ECEL1: variants seen among roughly 807,000 people sequenced by gnomAD.
ECEL1 encodes endothelin converting enzyme like 1, also known as endothelin-converting enzyme-like 1.
A neutral mutation model predicts 101.8 loss-of-function variants in ECEL1; 87 were observed. The observed-to-expected ratio is 0.85, with a 90% confidence interval of 0.72 to 1.02. The LOEUF (loss-of-function observed/expected upper bound fraction) is 1.02, where lower values mean the gene tolerates loss of function less well. ECEL1 is among the 50% of genes least tolerant of loss of function. The pLI, the probability that ECEL1 is intolerant of heterozygous loss-of-function variation, is 0.00. For missense variants in ECEL1, 1,032 were observed against 1,079.2 expected (o/e 0.96, Z 0.61); for synonymous variants, 487 against 468.7 (o/e 1.04, Z -0.50).
At chr2:232,481,674 C>T in intron 13 of ECEL1, 44 bp from the exon 14 acceptor site, 1 of 1,589,316 alleles carries the variant, frequency 6.3e-7, no homozygotes, top group South Asian at 1.1e-5. Flanking sequence ...CACCTGAGCC[C>T]CCTCCCCTCC....
chr2:232,484,887 C>T lies in ECEL1; in HGVS notation c.973G>A (p.Val325Met), dbSNP rs1305325896. Residue 325 changes from valine (V) to methionine (M), a missense_variant, in exon 5 of 18, where the codon GTG (valine) becomes ATG (methionine). Physicochemically the swap from Val to Met is conservative, Grantham distance 21. Transcript: ENST00000304546. ...QVEQQLANIT[V>M]SEHDDLRRDV... ...CGCCGTAGGTCGTCATGCTCTGACA[C>T]AGTGATCTGTGGGGAGAGATCACAG... 1 of 1,613,574 alleles carries T rather than the reference C, an allele frequency of 6.2e-7. No individual in the cohort carries two copies. The highest frequency in any genetic ancestry group is 8.5e-7 in the Non-Finnish European group (1 of 1,179,938).
intron 6 of ECEL1, 59 bp from the exon 7 acceptor site, chr2:232,484,282 G>A: frequency 2.5e-6 from 4 of 1,581,918 alleles, no homozygotes; most frequent in South Asian, 1.1e-5. Flanking sequence ...GCCACCAAGG[G>A]CACCACCCCT....
At chr2:232,484,321 C>T (rs1690663971) in intron 6 of ECEL1, 98 bp from the exon 7 acceptor site, 2 of 1,561,558 alleles carry the variant, frequency 1.3e-6, no homozygotes, top group East Asian at 4.5e-5. Flanking sequence ...GTGGCTGGAC[C>T]CAGGACCCAG....
chr2:232,484,831 C>T lies in ECEL1; in HGVS notation c.1029G>A (p.Thr343=), dbSNP rs144709114. The stretch of plus-strand genomic sequence containing the variant: ...GGGTGATCTTCTGCAGCTGCCCCAG[C>T]GTCACCTTGTTGTACATGGAGCTGA... ...RDVSSMYNKV[T]LGQLQKITPH... The change falls in exon 5 of 18, where the codon ACG becomes ACA. Residue 343 remains threonine, a synonymous_variant. Coordinates refer to ENST00000304546, the MANE Select transcript of ECEL1 (RefSeq NM_004826.4). The T allele has an allele frequency of 2.0e-4, 328 of 1,613,912 alleles. No individual in the cohort carries two copies. Among genetic ancestry groups the T allele is most frequent in the Non-Finnish European group, 2.5e-4 (295 of 1,180,032 alleles).
Position 232,484,801 on chromosome 2 carries a change from G to A in ECEL1, c.1059C>T (p.His353=), listed in dbSNP as rs141826924. The A allele has an allele frequency of 1.1e-5, 18 of 1,613,852 alleles. No homozygotes were observed. The highest frequency in any genetic ancestry group is 1.6e-4 in the Middle Eastern group (1 of 6,062). Residue 353 remains histidine (H), a splice_region_variant and synonymous_variant, in exon 5 of 18, where the codon CAC becomes CAT. Coordinates refer to ENST00000304546, the MANE Select transcript of ECEL1 (RefSeq NM_004826.4). ...CCCACGAGGACTGGGCCACACTCAC[G>A]TGGGGGGTGATCTTCTGCAGCTGCC... is the stretch of plus-strand genomic sequence containing the variant. ...TLGQLQKITP[H]LRWKWLLDQI...
rs535914617 is a variant in ECEL1 at position 232,479,872 on chromosome 2, C to G, written c.*281G>C. 3 of 490,830 alleles carry G rather than the reference C, an allele frequency of 6.1e-6. No homozygotes were observed. The Admixed American group carries it at 1.0e-4, about 17-fold the overall frequency. The allele number at this position is 490,830 out of a possible 1,614,324, so 30.4% of individuals were successfully genotyped here. On this transcript the variant is annotated 3_prime_UTR_variant, in exon 18 of 18. Transcript: ENST00000304546. ...ACCAGACTTTGCAGCAAGAACACAG[C>G]GAAGGTGGGGCCCGTACAATCCAGC...
At position 232,486,029 on chromosome 2, in the gene ECEL1, C is replaced by CTG; in HGVS notation, c.624_625insCA (p.Gly209GlnfsTer135). The CTG allele has an allele frequency of 6.2e-7, 1 of 1,608,968 alleles. No individual in the cohort carries two copies. Among genetic ancestry groups the CTG allele is most frequent in the Non-Finnish European group, 8.5e-7 (1 of 1,178,648 alleles). On this transcript the variant is annotated frameshift_variant, in exon 2 of 18. Transcript: ENST00000304546. LOFTEE classifies it high-confidence loss of function. ...TCCGCGCCGCCCAGGTCCCAGCCCC[C>CTG]GCAGTCCTCGATGACCTCTAGCATG... is the stretch of plus-strand genomic sequence containing the variant.
In ECEL1 at chr2:232,483,129, G is replaced by A. The variant is rs750498508; in HGVS notation, c.1557C>T (p.Pro519=). 10 of 1,609,180 alleles carry A rather than the reference G, an allele frequency of 6.2e-6. No individual in the cohort carries two copies. In the East Asian group the frequency reaches 9.0e-5, roughly 14 times the overall value. The change falls in exon 9 of 18, where the codon CCC becomes CCT. Residue 519 remains proline, a synonymous_variant. Coordinates refer to ENST00000304546, the MANE Select transcript of ECEL1 (RefSeq NM_004826.4). ...CCTCATACTCCTTGTCCACAGCATC[G>A]GGTTTCAGCAGGAAGTCCGGGTAGC... ...MVGYPDFLLK[P]DAVDKEYEFE...
At chr2:232,483,242 C>A in intron 8 of ECEL1, 63 bp from the exon 9 acceptor site, 1 of 1,548,268 alleles carries the variant, frequency 6.5e-7, no homozygotes, top group Non-Finnish European at 8.8e-7. Flanking sequence ...CGCCCCCCAC[C>A]CTACCCACCA....
rs1203952706 is a variant in ECEL1, at chr2:232,486,503, C to T, written c.151G>A (p.Gly51Arg). ...AARSATGARS[G>R]LPRWNRREVC... The stretch of plus-strand genomic sequence containing the variant: ...TCGCGCCGGTTCCAGCGCGGCAGCC[C>T]GGACCGGGCCCCGGTGGCGCTGCGC... Residue 51 changes from glycine (G) to arginine (R), a missense_variant, in exon 2 of 18, where the codon GGG becomes AGG. Physicochemically the swap from Gly to Arg is moderately radical, Grantham distance 125. Transcript: ENST00000304546. The T allele has an allele frequency of 2.9e-6, 4 of 1,375,762 alleles. No homozygotes were observed. The highest frequency in any genetic ancestry group is 1.5e-5 in the African/African-American group (1 of 65,188). The allele number at this position is 1,375,762 out of a possible 1,614,324, so 85.2% of individuals were successfully genotyped here.
At chr2:232,481,397 TG>T (rs1690574334) in intron 14 of ECEL1, 108 bp downstream of exon 14, 1 of 1,502,758 alleles carries the variant, frequency 6.7e-7, no homozygotes, top group African/African-American at 1.4e-5. Context: ...TGCAGGGACC[TG>T]GGCACAGGTT....
intron 2 of ECEL1, among the ~76,000 whole-genome samples, chr2:232,485,592 C>T (rs559159435): frequency 6.6e-6 from 1 of 152,234 alleles, no homozygotes; most frequent in African/African-American, 2.4e-5. Flanking sequence ...ACCCAGCCCG[C>T]CGGCGCGCCT....
Position 232,485,985 on chromosome 2 carries a change from C to A in ECEL1, c.669G>T (p.Ala223=), listed in dbSNP as rs1489042301. The A allele has an allele frequency of 1.2e-6, 2 of 1,603,852 alleles. No individual in the cohort carries two copies. Among genetic ancestry groups the A allele is most frequent in the Admixed American group, 1.7e-5 (1 of 59,274 alleles). Residue 223 remains alanine (A), a synonymous_variant, in exon 2 of 18, where the codon GCG becomes GCT. Coordinates refer to ENST00000304546, the MANE Select transcript of ECEL1 (RefSeq NM_004826.4). ...GCAGCCGGTTGAGGTCCCATCGCGC[C>A]GCGACCCCCGGACGCTCCTCCGCGC... ...LGGAEERPGV[A]ARWDLNRLLY... is the part of the protein sequence containing the mutation.
chr2:232,486,172 AGG>A lies in ECEL1; in HGVS notation c.480_481del (p.Leu161ThrfsTer103). 7.6e-6 allele frequency: 12 copies of A among 1,586,990 alleles called. No individual in the cohort carries two copies. The highest frequency in any genetic ancestry group is 1.0e-5 in the Non-Finnish European group (12 of 1,171,938). The stretch of plus-strand genomic sequence containing the variant: ...CCCGGGCCGCGCCAGCAGGCGCCGT[AGG>A]CGCTCCTCGTTTTGCTCGCCGATGG... On this transcript the variant is annotated frameshift_variant, in exon 2 of 18. Transcript: ENST00000304546. LOFTEE classifies it high-confidence loss of function.
rs568686919 is a variant in ECEL1 at position 232,485,472 on chromosome 2, T to TA, written c.787-206dup. On this transcript the variant is annotated intron_variant, in intron 2 of 17. Coordinates refer to ENST00000304546, the MANE Select transcript of ECEL1 (RefSeq NM_004826.4). ...GTCCCAGCCTGCGGATGCCCAATCT[T>TA]ACCCCTGTACGTCTGCACTTTCCTT... Among the ~76,000 whole-genome samples, 384 of 152,264 alleles carry TA rather than the reference T, an allele frequency of 2.5e-3. 1 individual carries two copies. Among genetic ancestry groups the TA allele is most frequent in the Middle Eastern group, 0.01 (3 of 294 alleles).
At chr2:232,484,776 C>T (rs1485262031) in intron 5 of ECEL1, 25 bp downstream of exon 5, 3 of 1,613,228 alleles carry the variant, frequency 1.9e-6, no homozygotes, top group Admixed American at 3.3e-5. Flanking sequence ...ACCCTGCCTG[C>T]CCACGAGGAC....
intron 15 of ECEL1, 116 bp downstream of exon 15, chr2:232,480,974 AC>A: frequency 7.1e-7 from 1 of 1,415,688 alleles, no homozygotes; most frequent in Non-Finnish European, 9.7e-7. Flanking sequence ...GCCCTGCCCC[AC>A]CCCAGGCCAG....
At position 232,481,368 on chromosome 2, in the gene ECEL1, C is replaced by T. The variant is rs1212100592; in HGVS notation, c.1989+138G>A. On this transcript the variant is annotated intron_variant, in intron 14 of 17. Coordinates refer to ENST00000304546, the MANE Select transcript of ECEL1 (RefSeq NM_004826.4). ...CTCATTATCTGTCCACGTGAGTGTG[C>T]GTGGGAACCGAATGTGTGTGCAGGG... 7.0e-6 allele frequency: 10 copies of T among 1,436,748 alleles called. No homozygotes were observed. The East Asian group carries it at 7.5e-5, about 11-fold the overall frequency. The allele number at this position is 1,436,748 out of a possible 1,614,324, so 89.0% of individuals were successfully genotyped here. A position where few individuals can be genotyped will look rare whatever the true frequency, so the allele number is the denominator to read the frequency against.
Position 232,480,443 on chromosome 2 carries a change from G to A in ECEL1, c.2184C>T (p.Ile728=). The change falls in exon 17 of 18, where the codon ATC becomes ATT. Residue 728 remains isoleucine (I), a synonymous_variant. Coordinates refer to ENST00000304546, the MANE Select transcript of ECEL1 (RefSeq NM_004826.4). Reference sequence around the variant, plus strand: ...GCTTGTCAGTCAGCACCTGCAGGTAGATGGACTGCGACCGCCGCTTGATGC... The same window carrying A: ...GCTTGTCAGTCAGCACCTGCAGGTAAATGGACTGCGACCGCCGCTTGATGC... The part of the protein sequence containing the change: ...NWCIKRRSQS[I]YLQVLTDKHA... 1.2e-6 allele frequency: 2 copies of A among 1,613,960 alleles called. No individual in the cohort carries two copies. Among genetic ancestry groups the A allele is most frequent in the Non-Finnish European group, 1.7e-6 (2 of 1,179,990 alleles).
Sources: gnomAD v4.1 joint callset for allele counts (sites outside exome capture counted in the v4.1 genomes callset) on GRCh38, gnomAD v4.1.1 for gene constraint, MANE v1.5 for transcripts, NCBI Gene and HGNC (gene_info 2026-07-23, HGNC 2026-07-21) for gene names.